The following SGCZ variants were observed in gnomAD, a reference collection of about 807,000 sequenced individuals.
SGCZ encodes the protein sarcoglycan zeta, also known as zeta-sarcoglycan.
In SGCZ, 40 loss-of-function variants were observed where a neutral mutation model predicts 41.3. That is an observed-to-expected ratio of 0.97 (90% CI 0.75 to 1.26). The LOEUF is 1.26. SGCZ is among the 50% of genes most tolerant of loss of function. The pLI is 0.00. For missense variants in SGCZ, 552 were observed against 369.8 expected, an observed-to-expected ratio of 1.49 and a Z score of -4.04; for synonymous variants, 206 against 137.5, an observed-to-expected ratio of 1.50 and a Z score of -3.49.
At chr8:14,908,746 A>AC (rs1585369226) in intron 1 of SGCZ, among the ~76,000 whole-genome samples, 1 of 143,904 alleles carries the variant, frequency 6.9e-6, no homozygotes. Context: ...ACCGTTGCAA[A>AC]AAAAAAAAAA....
chr8:14,124,702 G>A (rs1802800242), intron 5 of SGCZ, among the ~76,000 whole-genome samples: 1 of 152,102 alleles, frequency 6.6e-6, no homozygotes, highest in Non-Finnish European at 1.5e-5. Flanking sequence ...ATTTAGTTAA[G>A]AAAGTTACAT....
chr8:14,858,948 T>G (rs1472240041), intron 1 of SGCZ, among the ~76,000 whole-genome samples: 2 of 152,182 alleles, frequency 1.3e-5, no homozygotes, highest in Non-Finnish European at 2.9e-5. Context: ...ACAAATAATG[T>G]CAGTTTTCCT....
chr8:14,420,029 C>T (rs1019782612), intron 2 of SGCZ, among the ~76,000 whole-genome samples: 4 of 152,038 alleles, frequency 2.6e-5, no homozygotes, highest in Admixed American at 2.0e-4. Flanking sequence ...TTTCTGTTAA[C>T]GATCCTTTCC....
At chr8:14,343,949 C>T (rs1301255229) in intron 2 of SGCZ, among the ~76,000 whole-genome samples, 2 of 151,730 alleles carry the variant, frequency 1.3e-5, no homozygotes, top group Non-Finnish European at 1.5e-5. Flanking sequence ...CATATTGGTT[C>T]AAAATAATTA....
rs201209091 is a variant in SGCZ, at chr8:14,693,305, T to TA, written c.40-138380_40-138379insT. Reference sequence around the variant, plus strand: ...ATTAATTGAATACCTTTTTTTTTTTTCCCCCAGATGAAATCTTGCTCTGTC... The same window carrying TA: ...ATTAATTGAATACCTTTTTTTTTTTTACCCCCAGATGAAATCTTGCTCTGTC... On this transcript the variant is annotated intron_variant, in intron 1 of 7. Transcript: ENST00000382080. Among the ~76,000 whole-genome samples the TA allele has an allele frequency of 7.4e-4, 112 of 151,382 alleles. 1 individual carries two copies. The highest frequency in any genetic ancestry group is 2.6e-3 in the African/African-American group (109 of 41,196).
chr8:14,712,759 C>T (rs899374328), intron 1 of SGCZ, among the ~76,000 whole-genome samples: 1 of 152,108 alleles, frequency 6.6e-6, no homozygotes, highest in African/African-American at 2.4e-5. Context: ...AACTCAGACG[C>T]AACATCTCTT....
chr8:14,956,760 A>G (rs1411720547), intron 1 of SGCZ, among the ~76,000 whole-genome samples: 4 of 152,202 alleles, frequency 2.6e-5, no homozygotes, highest in Non-Finnish European at 5.9e-5. Context: ...AATATTTTTA[A>G]AATCTATGCT....
At chr8:14,799,771 C>T (rs1183606710) in intron 1 of SGCZ, among the ~76,000 whole-genome samples, 1 of 152,090 alleles carries the variant, frequency 6.6e-6, no homozygotes, top group East Asian at 1.9e-4. Context: ...AAACCTCATG[C>T]CCCTTTGCCT....
intron 1 of SGCZ, among the ~76,000 whole-genome samples, chr8:15,166,642 T>C (rs1437703616): frequency 6.6e-6 from 1 of 152,208 alleles, no homozygotes; most frequent in African/African-American, 2.4e-5. Flanking sequence ...TGTCTGAGTA[T>C]ATGCTATCAA....
intron 2 of SGCZ, among the ~76,000 whole-genome samples, chr8:14,475,765 T>TAC (rs957735059): frequency 6.6e-6 from 1 of 152,018 alleles, no homozygotes; most frequent in South Asian, 2.1e-4. Flanking sequence ...GATATATATA[T>TAC]ACACACACAC....
At chr8:14,897,801 A>C (rs376234398) in intron 1 of SGCZ, among the ~76,000 whole-genome samples, 8 of 152,290 alleles carry the variant, frequency 5.3e-5, no homozygotes, top group South Asian at 2.1e-4. Context: ...TCTGATTCAC[A>C]AACATCAACT....
intron 1 of SGCZ, among the ~76,000 whole-genome samples, chr8:15,200,081 C>G (rs1800845955): frequency 6.6e-6 from 1 of 152,114 alleles, no homozygotes; most frequent in Non-Finnish European, 1.5e-5. Context: ...AATTCTTTAA[C>G]CAAAAGGGCC....
At chr8:15,060,748 A>G (rs1312123107) in intron 1 of SGCZ, among the ~76,000 whole-genome samples, 1 of 151,904 alleles carries the variant, frequency 6.6e-6, no homozygotes, top group African/African-American at 2.4e-5. Context: ...TAGGTAGTCA[A>G]CATTCTGGGT....
rs572672768 is a variant in SGCZ, at chr8:14,298,680, T to C, written c.336+25423A>G. Among the ~76,000 whole-genome samples the C allele has an allele frequency of 7.0e-4, 107 of 152,128 alleles. 3 individuals carry two copies. In the South Asian group the frequency reaches 0.021, roughly 30 times the overall value. ...AACTATAAAATATTTCTGAAAGGAA[T>C]TATTGAAGCCTAATTACATGGATAA... On this transcript the variant is annotated intron_variant, in intron 3 of 7. Transcript: ENST00000382080.
chr8:14,153,923 T>TCTCA (rs1554468714), intron 5 of SGCZ, among the ~76,000 whole-genome samples: 215 of 142,012 alleles, frequency 1.5e-3, no homozygotes, highest in African/African-American at 4.7e-3. Context: ...TCTCTCTCTC[T>TCTCA]CACACACACA....
chr8:14,952,108 G>A (rs1800659193), intron 1 of SGCZ, among the ~76,000 whole-genome samples: 1 of 151,826 alleles, frequency 6.6e-6, no homozygotes, highest in African/African-American at 2.4e-5. Flanking sequence ...TAAGAGTGCT[G>A]GGGTCAATTA....
chr8:14,498,835 G>A (rs1052911064), intron 2 of SGCZ, among the ~76,000 whole-genome samples: 7 of 151,010 alleles, frequency 4.6e-5, no homozygotes, highest in South Asian at 4.2e-4. Flanking sequence ...ATTTTGCATC[G>A]ACCCAGATAT....
At chr8:14,092,751 A>T (rs1025382792) in intron 7 of SGCZ, among the ~76,000 whole-genome samples, 4 of 152,032 alleles carry the variant, frequency 2.6e-5, no homozygotes, top group African/African-American at 9.7e-5. Context: ...AGGCCTCCCC[A>T]GCCTCGTGGA....
intron 3 of SGCZ, among the ~76,000 whole-genome samples, chr8:14,252,207 C>A (rs1292164120): frequency 6.6e-6 from 1 of 152,084 alleles, no homozygotes; most frequent in Non-Finnish European, 1.5e-5. Context: ...TACATGCTGG[C>A]TTATGGCTTC....
Sources: allele counts gnomAD v4.1 joint callset (sites outside exome capture counted in the v4.1 genomes callset), GRCh38; gene constraint gnomAD v4.1.1; transcripts MANE v1.5; gene names NCBI Gene and HGNC (gene_info 2026-07-23, HGNC 2026-07-21).